The following RAB3C variants were observed in gnomAD, a reference collection of about 807,000 sequenced individuals.
RAB3C encodes ras-related protein Rab-3C.
In RAB3C, 17 loss-of-function variants were observed where a neutral mutation model predicts 26.4. The observed-to-expected ratio is 0.64, with a 90% CI of 0.44 to 0.97. The LOEUF (loss-of-function observed/expected upper bound fraction) is 0.97, where lower values mean the gene tolerates loss of function less well. Ranked by LOEUF, RAB3C falls within the 50% of genes least tolerant of loss-of-function variation. RAB3C has a pLI of 0.00. For missense variants in RAB3C, 242 were observed against 281.9 expected, an observed-to-expected ratio of 0.86 and a Z score of 1.01; for synonymous variants, 91 against 95.9, an observed-to-expected ratio of 0.95 and a Z score of 0.30.
rs1432613936 is a variant in RAB3C, at chr5:58,857,991, T to A, written c.*6640T>A. 6.6e-6 allele frequency: 1 copy of A among 152,216 alleles called. No individual in the cohort carries two copies. The highest frequency in any genetic ancestry group is 1.5e-5 in the Non-Finnish European group (1 of 68,034). 9.4% of individuals were successfully genotyped at this position (152,216 alleles called of 1,614,324 possible). On this transcript the variant is annotated 3_prime_UTR_variant, in exon 5 of 5. Coordinates refer to ENST00000282878, the MANE Select transcript of RAB3C (RefSeq NM_138453.4). ...TCATTTTAATATTGTACTTTGCCTT[T>A]TCATTCAGTTAGTGGAGTAAGTCAT...
intron 4 of RAB3C, among the ~76,000 whole-genome samples, chr5:58,838,662 T>A (rs1743802855): frequency 6.6e-6 from 1 of 152,144 alleles, no homozygotes; most frequent in Non-Finnish European, 1.5e-5. Context: ...AAATATGTAT[T>A]CTGCAGCTGT....
chr5:58,767,622 T>C (rs1251946554), intron 3 of RAB3C, among the ~76,000 whole-genome samples: 1 of 152,222 alleles, frequency 6.6e-6, no homozygotes, highest in African/African-American at 2.4e-5. Flanking sequence ...ATTTTACAAA[T>C]CAGTTGAAGA....
chr5:58,664,168 C>T (rs970681116), intron 2 of RAB3C, among the ~76,000 whole-genome samples: 3 of 152,098 alleles, frequency 2.0e-5, no homozygotes, highest in Admixed American at 6.6e-5. Context: ...GAAATCTGTA[C>T]GTACGTATTT....
chr5:58,757,994 T>G (rs1741712197), intron 3 of RAB3C, among the ~76,000 whole-genome samples: 1 of 152,194 alleles, frequency 6.6e-6, no homozygotes, highest in Non-Finnish European at 1.5e-5. Context: ...CAGGCTGGAG[T>G]GCAGTGGTGC....
chr5:58,758,104 G>A (rs1487384372), intron 3 of RAB3C, among the ~76,000 whole-genome samples: 1 of 152,058 alleles, frequency 6.6e-6, no homozygotes, highest in African/African-American at 2.4e-5. Flanking sequence ...ACCACGCCCG[G>A]CTAATTTTTT....
At chr5:58,613,939 G>A (rs1579817457) in intron 1 of RAB3C, among the ~76,000 whole-genome samples, 1 of 152,044 alleles carries the variant, frequency 6.6e-6, no homozygotes, top group African/African-American at 2.4e-5. Flanking sequence ...TCTCTATGCT[G>A]TAAAGGCTTC....
rs367849503 is a variant in RAB3C at position 58,620,821 on chromosome 5, T to G, written c.252+2951T>G. 2.1e-4 allele frequency among the ~76,000 whole-genome samples: 32 copies of G among 152,270 alleles called. No homozygotes were observed. In the East Asian group the frequency reaches 2.5e-3, roughly 12 times the overall value. ...GAAAATGGCAATCTTGAGTGATGCA[T>G]CTGGGATGGTGAAATGTTTTTGAAA... On this transcript the variant is annotated intron_variant, in intron 2 of 4. Coordinates refer to ENST00000282878, the MANE Select transcript of RAB3C (RefSeq NM_138453.4).
rs115338277 is a variant in RAB3C, at chr5:58,736,126, G to A, written c.371+10006G>A. Among the ~76,000 whole-genome samples, 400 of 152,124 alleles carry A rather than the reference G, an allele frequency of 2.6e-3. 2 individuals carry two copies. Among genetic ancestry groups the A allele is most frequent in the African/African-American group, 8.9e-3 (368 of 41,500 alleles). ...TAGCACATAGCCCTTTGTAATCTGC[G>A]CCCTGTCCCTCCTGCTTTCCTGCAG... On this transcript the variant is annotated intron_variant, in intron 3 of 4. Coordinates refer to ENST00000282878, the MANE Select transcript of RAB3C (RefSeq NM_138453.4).
intron 2 of RAB3C, among the ~76,000 whole-genome samples, chr5:58,649,353 G>T (rs1579837360): frequency 6.6e-6 from 1 of 152,048 alleles, no homozygotes; most frequent in Non-Finnish European, 1.5e-5. Flanking sequence ...ATCTTTGCAA[G>T]CTCCATTTTC....
At chr5:58,693,183 G>T (rs935906327) in intron 2 of RAB3C, among the ~76,000 whole-genome samples, 1 of 144,214 alleles carries the variant, frequency 6.9e-6, no homozygotes. Context: ...ATATAATTAA[G>T]ATAAGTTTAT....
At chr5:58,838,344 C>T (rs1028023330) in intron 4 of RAB3C, among the ~76,000 whole-genome samples, 5 of 150,972 alleles carry the variant, frequency 3.3e-5, no homozygotes, top group Non-Finnish European at 7.4e-5. Context: ...TGCACCACTG[C>T]ACTCCAGCCT....
At chr5:58,604,624 C>A (rs1746522060) in intron 1 of RAB3C, among the ~76,000 whole-genome samples, 1 of 152,182 alleles carries the variant, frequency 6.6e-6, no homozygotes, top group African/African-American at 2.4e-5. Flanking sequence ...AGCTCCTGTG[C>A]AAACTGAAGG....
chr5:58,695,926 C>T (rs1748688266), intron 2 of RAB3C, among the ~76,000 whole-genome samples: 1 of 152,134 alleles, frequency 6.6e-6, no homozygotes, highest in South Asian at 2.1e-4. Flanking sequence ...GGTTCTCTTG[C>T]CTGATTGCCC....
intron 4 of RAB3C, among the ~76,000 whole-genome samples, chr5:58,836,908 T>G (rs1414881423): frequency 1.3e-5 from 2 of 152,232 alleles, no homozygotes; most frequent in Non-Finnish European, 2.9e-5. Flanking sequence ...GTAGTGAGTT[T>G]GTTAGAGCCT....
intron 2 of RAB3C, among the ~76,000 whole-genome samples, chr5:58,724,593 A>C (rs1274568301): frequency 6.6e-6 from 1 of 151,848 alleles, no homozygotes; most frequent in African/African-American, 2.4e-5. Flanking sequence ...TTAAATAAAT[A>C]TGATCTATCT....
At chr5:58,613,990 T>C (rs1242942284) in intron 1 of RAB3C, among the ~76,000 whole-genome samples, 3 of 152,092 alleles carry the variant, frequency 2.0e-5, no homozygotes, top group Non-Finnish European at 4.4e-5. Flanking sequence ...GTGTGAAGGA[T>C]GAAGCTAGGA....
At chr5:58,674,433 A>G (rs537208198) in intron 2 of RAB3C, among the ~76,000 whole-genome samples, 2 of 152,324 alleles carry the variant, frequency 1.3e-5, no homozygotes, top group South Asian at 2.1e-4. Flanking sequence ...AAACCAACCA[A>G]TTTCTAATGG....
At chr5:58,803,566 C>T (rs1358402202) in intron 3 of RAB3C, among the ~76,000 whole-genome samples, 3 of 152,160 alleles carry the variant, frequency 2.0e-5, no homozygotes, top group Non-Finnish European at 4.4e-5. Context: ...TCCATTTTCT[C>T]ATGAACAGCT....
intron 3 of RAB3C, among the ~76,000 whole-genome samples, chr5:58,730,642 T>G (rs554059572): frequency 6.6e-6 from 1 of 152,208 alleles, no homozygotes; most frequent in South Asian, 2.1e-4. Context: ...CCCAACAAAA[T>G]GCACTTTGAT....
Sources: gnomAD v4.1 joint callset for allele counts (sites outside exome capture counted in the v4.1 genomes callset) on GRCh38, gnomAD v4.1.1 for gene constraint, MANE v1.5 for transcripts, NCBI Gene and HGNC (gene_info 2026-07-23, HGNC 2026-07-21) for gene names.